Variants in C19orf47 observed in about 807,000 individuals in gnomAD.
The protein encoded by C19orf47 is uncharacterized protein C19orf47.
Under a neutral mutation model 32.3 loss-of-function variants are expected in C19orf47, and 18 were observed. The observed-to-expected ratio is 0.56, with a 90% CI of 0.39 to 0.83. C19orf47 has a LOEUF of 0.83. Ranked by LOEUF, C19orf47 falls within the 40% of genes least tolerant of loss-of-function variation. The pLI is 0.00. For missense variants in C19orf47, 484 were observed against 531.6 expected (o/e 0.91, Z 0.88); for synonymous variants, 202 against 211.1 (o/e 0.96, Z 0.37).
chr19:40,342,900 C>T (rs961348954), intron 1 of C19orf47, among the ~76,000 whole-genome samples: 2 of 152,098 alleles, frequency 1.3e-5, no homozygotes, highest in Admixed American at 6.6e-5. Flanking sequence ...ACAGAAGTGG[C>T]GACCTGATCA....
downstream of C19orf47, among the ~76,000 whole-genome samples, chr19:40,317,396 C>A (rs951138552): frequency 2.0e-5 from 3 of 151,978 alleles, no homozygotes; most frequent in Non-Finnish European, 4.4e-5. Context: ...TAGTTTGAGA[C>A]CAGCCTGGGC....
At chr19:40,304,242 C>T in the C19orf47 span, among the ~76,000 whole-genome samples, 2 of 152,108 alleles carry the variant, frequency 1.3e-5, no homozygotes, top group African/African-American at 2.4e-5. Flanking sequence ...TGAAGAAGTT[C>T]GAGAAATGCC....
intron 8 of C19orf47, among the ~76,000 whole-genome samples, chr19:40,323,295 A>G (rs1484569881): frequency 1.3e-5 from 2 of 152,242 alleles, no homozygotes; most frequent in Non-Finnish European, 2.9e-5. Flanking sequence ...CCATGCGGGG[A>G]TGATCTTAAC....
chr19:40,322,873 G>A (rs972174392), intron 8 of C19orf47, among the ~76,000 whole-genome samples: 15 of 152,328 alleles, frequency 9.8e-5, no homozygotes, highest in African/African-American at 3.6e-4. Context: ...CTTGGCATCA[G>A]AAATGACACA....
At chr19:40,329,520 A>G (rs1236252298) in intron 5 of C19orf47, among the ~76,000 whole-genome samples, 3 of 152,122 alleles carry the variant, frequency 2.0e-5, no homozygotes, top group Non-Finnish European at 4.4e-5. Context: ...ACAGGGGGGA[A>G]AAAGAAAGAA....
At chr19:40,332,025 C>T (rs1278020147) in intron 5 of C19orf47, among the ~76,000 whole-genome samples, 5 of 146,978 alleles carry the variant, frequency 3.4e-5, no homozygotes, top group East Asian at 2.0e-4. Context: ...GCCACAAAAG[C>T]GAAACTCCAT....
chr19:40,301,318 TTTA>T, the C19orf47 span, among the ~76,000 whole-genome samples: 1 of 139,750 alleles, frequency 7.2e-6, no homozygotes, highest in African/African-American at 2.8e-5. Context: ...GAGGCTTTTA[TTTA>T]TTTATTTATT....
the C19orf47 span, among the ~76,000 whole-genome samples, chr19:40,308,444 C>G: frequency 6.6e-6 from 1 of 151,008 alleles, no homozygotes; most frequent in African/African-American, 2.4e-5. Context: ...TGTGAGCCAC[C>G]ACGCCCAGCC....
chr19:40,345,010 T>C (rs943114265), intron 1 of C19orf47, among the ~76,000 whole-genome samples: 1 of 152,138 alleles, frequency 6.6e-6, no homozygotes, highest in Non-Finnish European at 1.5e-5. Flanking sequence ...GCAGCAGGAC[T>C]TGGACCCCAC....
the C19orf47 span, among the ~76,000 whole-genome samples, chr19:40,308,991 G>A: frequency 6.6e-6 from 1 of 152,148 alleles, no homozygotes. Flanking sequence ...GAGCCCAGGA[G>A]GTCAAGGCTG....
chr19:40,317,364 T>C (rs2077668969), downstream of C19orf47, among the ~76,000 whole-genome samples: 1 of 151,818 alleles, frequency 6.6e-6, no homozygotes, highest in Admixed American at 6.6e-5. Flanking sequence ...AAAGCTGAGA[T>C]GGGAGGATTG....
At chr19:40,340,886 G>A (rs140061605) in intron 2 of C19orf47, among the ~76,000 whole-genome samples, 3 of 150,926 alleles carry the variant, frequency 2.0e-5, no homozygotes, top group Non-Finnish European at 4.4e-5. Context: ...GCTGAGATGG[G>A]AGGATCACCT....
In C19orf47 at chr19:40,321,670, G is replaced by A. The variant is rs1305318146; in HGVS notation, c.*212C>T. On this transcript the variant is annotated 3_prime_UTR_variant, in exon 9 of 9. Transcript: ENST00000683109. ...AAAGCACAGAGGACATGAGAGAAGG[G>A]GAGTCCTGGAGCAGGCCAGGCCAGC... The A allele has an allele frequency of 7.2e-7, 1 of 1,394,846 alleles. No homozygotes were observed. Among genetic ancestry groups the A allele is most frequent in the East Asian group, 2.7e-5 (1 of 37,466 alleles). 86.4% of individuals were successfully genotyped at this position (1,394,846 alleles called of 1,614,324 possible). A position where few individuals can be genotyped will look rare whatever the true frequency, so the allele number is the denominator to read the frequency against.
chr19:40,345,943 T>C (rs1394077740), intron 1 of C19orf47, among the ~76,000 whole-genome samples: 3 of 149,528 alleles, frequency 2.0e-5, no homozygotes, highest in Non-Finnish European at 4.4e-5. Context: ...GATCACAAGG[T>C]CAGGAGTTTG....
At chr19:40,333,787 C>T (rs1435006624) in intron 5 of C19orf47, 64 bp downstream of exon 5, 15 of 1,326,452 alleles carry the variant, frequency 1.1e-5, no homozygotes, top group Admixed American at 2.6e-5. Flanking sequence ...GATGGCCAGA[C>T]GTGTCCCCTT....
At chr19:40,339,888 T>C (rs1000052697) in intron 2 of C19orf47, among the ~76,000 whole-genome samples, 2 of 151,496 alleles carry the variant, frequency 1.3e-5, no homozygotes, top group South Asian at 4.2e-4. Context: ...GGCAGGAGAA[T>C]TGCTTGAACC....
At position 40,333,852 on chromosome 19, in the gene C19orf47, A is replaced by T. The variant is rs895469188; in HGVS notation, c.300T>A (p.Ser100Arg). 4.1e-5 allele frequency: 64 copies of T among 1,569,466 alleles called. No homozygotes were observed. The highest frequency in any genetic ancestry group is 5.5e-5 in the Non-Finnish European group (64 of 1,155,834). The stretch of plus-strand genomic sequence containing the variant: ...GAGGCCTGAATAGTTAGGACTCACC[A>T]CTGGTGCCACGGCGAATTTCGCCTG... ...PLAGEIRRGT[S>R]AASRMITNSL... The change falls in exon 5 of 9, where the codon AGT (serine) becomes AGA (arginine). Residue 100 changes from serine to arginine, a missense_variant and splice_region_variant. Around this residue, in one of 3 missense-constraint regions of C19orf47, gnomAD observed 376 missense variants for 370.2 expected, o/e 1.02. Transcript: ENST00000683109.
At chr19:40,332,328 G>A (rs768425691) in intron 5 of C19orf47, among the ~76,000 whole-genome samples, 2 of 150,966 alleles carry the variant, frequency 1.3e-5, no homozygotes, top group African/African-American at 2.4e-5. Flanking sequence ...GCACTCCAAC[G>A]TAGGCAACAC....
At position 40,331,137 on chromosome 19, in the gene C19orf47, A is replaced by C. The variant is rs369522249; in HGVS notation, c.302-2587T>G. Among the ~76,000 whole-genome samples, 3 of 152,210 alleles carry C rather than the reference A, an allele frequency of 2.0e-5. No individual in the cohort carries two copies. The East Asian group carries it at 5.8e-4, about 29-fold the overall frequency. ...CTTTGGGTAGGCCCTACCCACAATGACTGTGGACTTAGCCATGTAACTTGC... is the reference window on the plus strand; with the variant it reads ...CTTTGGGTAGGCCCTACCCACAATGCCTGTGGACTTAGCCATGTAACTTGC... On this transcript the variant is annotated intron_variant, in intron 5 of 8. Transcript: ENST00000683109.
Sources: allele counts gnomAD v4.1 joint callset (sites outside exome capture counted in the v4.1 genomes callset), GRCh38; gene constraint gnomAD v4.1.1; regional missense constraint gnomAD v4.1.1; transcripts MANE v1.5; gene names NCBI Gene and HGNC (gene_info 2026-07-23, HGNC 2026-07-21).